The following BNC2 variants were observed in gnomAD, a reference collection of about 807,000 sequenced individuals.
The protein encoded by BNC2 is basonuclin zinc finger protein 2.
Under a neutral mutation model 76.3 loss-of-function variants are expected in BNC2, and 20 were observed. That is an observed-to-expected ratio of 0.26 (90% CI 0.18 to 0.38). The LOEUF (loss-of-function observed/expected upper bound fraction) is 0.38. Among genes scored for constraint, BNC2 ranks in the 10% least tolerant of loss-of-function variants. BNC2 has a pLI of 1.00. For synonymous variants in BNC2, 582 were observed against 514.8 expected (o/e 1.13, Z -1.77); for missense variants, 1,382 against 1,399.8 (o/e 0.99, Z 0.20).
intron 1 of BNC2, among the ~76,000 whole-genome samples, chr9:16,749,491 G>C (rs1035014909): frequency 2.0e-5 from 3 of 152,122 alleles, no homozygotes; most frequent in Admixed American, 6.5e-5. Flanking sequence ...CTTGAGCCCG[G>C]TTGTTTGAGA....
At chr9:16,525,059 G>T (rs1026407757) in intron 5 of BNC2, among the ~76,000 whole-genome samples, 2 of 140,078 alleles carry the variant, frequency 1.4e-5, no homozygotes, top group Admixed American at 7.3e-5. Flanking sequence ...GTGACAGACA[G>T]AGACCCGGAG....
chr9:16,757,030 C>T (rs1164165890), intron 1 of BNC2, among the ~76,000 whole-genome samples: 6 of 151,080 alleles, frequency 4.0e-5, no homozygotes, highest in Non-Finnish European at 4.4e-5. Flanking sequence ...AAGGTAACTA[C>T]CTATTCCTAA....
At chr9:16,833,246 A>T (rs1818624794) in intron 1 of BNC2, among the ~76,000 whole-genome samples, 2 of 152,200 alleles carry the variant, frequency 1.3e-5, no homozygotes, top group South Asian at 4.1e-4. Context: ...TTCTCTTAGA[A>T]GCACTCTGCC....
intron 1 of BNC2, chr9:16,867,328 G>A (rs1176049901): frequency 6.6e-6 from 1 of 151,746 alleles, no homozygotes; most frequent in Non-Finnish European, 1.5e-5. Context: ...CACAATACTA[G>A]TATAATGACT....
intron 3 of BNC2, among the ~76,000 whole-genome samples, chr9:16,709,893 T>C (rs1823784673): frequency 6.6e-6 from 1 of 152,076 alleles, no homozygotes; most frequent in South Asian, 2.1e-4. Context: ...TCTTCAAAGA[T>C]ATGAAGGGGA....
At chr9:16,580,860 A>G (rs1819612724) in intron 4 of BNC2, among the ~76,000 whole-genome samples, 1 of 152,204 alleles carries the variant, frequency 6.6e-6, no homozygotes, top group East Asian at 1.9e-4. Context: ...TTTCATAATA[A>G]GACTGTAAAG....
intron 5 of BNC2, among the ~76,000 whole-genome samples, chr9:16,516,327 T>C (rs1305209339): frequency 6.6e-6 from 1 of 152,074 alleles, no homozygotes. Context: ...GAGAAGCGTT[T>C]GCAAGTTAAA....
chr9:16,472,911 A>T (rs1821855208), intron 5 of BNC2, among the ~76,000 whole-genome samples: 1 of 152,230 alleles, frequency 6.6e-6, no homozygotes. Flanking sequence ...ACTGGTACAG[A>T]AGGAAGGTGG....
chr9:16,676,434 T>C (rs1349514801), intron 3 of BNC2, among the ~76,000 whole-genome samples: 1 of 152,260 alleles, frequency 6.6e-6, no homozygotes, highest in Non-Finnish European at 1.5e-5. Flanking sequence ...TCTATGAAGC[T>C]GCTATGGCTT....
At position 16,412,351 on chromosome 9, in the gene BNC2, GTAACCAGTT is replaced by G. The variant is rs1820479771; in HGVS notation, c.*6629_*6637del. On this transcript the variant is annotated 3_prime_UTR_variant, in exon 7 of 7. Coordinates refer to ENST00000380672, the MANE Select transcript of BNC2 (RefSeq NM_017637.6). ...TAAGAAAAAAAAATGACCACTGTGCGTAACCAGTTTACAACATGTGCACTTTTTGAAGGG... is the reference window on the plus strand; with the variant it reads ...TAAGAAAAAAAAATGACCACTGTGCGTACAACATGTGCACTTTTTGAAGGG... The G allele has an allele frequency of 6.6e-6, 1 of 152,528 alleles. No individual in the cohort carries two copies. Among genetic ancestry groups the G allele is most frequent in the Non-Finnish European group, 1.5e-5 (1 of 68,026 alleles). 9.4% of individuals were successfully genotyped at this position (152,528 alleles called of 1,614,324 possible).
chr9:16,673,430 TAAAAAA>T (rs370952322), intron 3 of BNC2, among the ~76,000 whole-genome samples: 3 of 146,252 alleles, frequency 2.1e-5, no homozygotes, highest in Admixed American at 6.9e-5. Flanking sequence ...TTCTGAGATT[TAAAAAA>T]AAAAAAAACA....
intron 3 of BNC2, among the ~76,000 whole-genome samples, chr9:16,668,605 T>G (rs761455022): frequency 6.6e-6 from 1 of 152,236 alleles, no homozygotes; most frequent in Non-Finnish European, 1.5e-5. Flanking sequence ...GAAACATTAT[T>G]GTAGCCATTA....
intron 4 of BNC2, among the ~76,000 whole-genome samples, chr9:16,580,407 C>G (rs1819601829): frequency 6.6e-6 from 1 of 152,090 alleles, no homozygotes; most frequent in Non-Finnish European, 1.5e-5. Context: ...TTGCTAAGGT[C>G]TGAGAAACAC....
At chr9:16,555,778 C>T (rs528298356) in intron 4 of BNC2, among the ~76,000 whole-genome samples, 175 of 151,906 alleles carry the variant, frequency 1.2e-3, no homozygotes, top group Non-Finnish European at 9.9e-4. Context: ...GCCTGGGCAA[C>T]AGAGTGAGAC....
intron 1 of BNC2, among the ~76,000 whole-genome samples, chr9:16,833,551 C>G (rs1818632794): frequency 6.6e-6 from 1 of 152,130 alleles, no homozygotes; most frequent in Non-Finnish European, 1.5e-5. Context: ...GGGCAAAGAG[C>G]AATTTTTTTT....
chr9:16,664,713 CA>C (rs1433642556), intron 3 of BNC2, among the ~76,000 whole-genome samples: 5 of 143,552 alleles, frequency 3.5e-5, no homozygotes, highest in African/African-American at 1.3e-4. Flanking sequence ...ACAAAAAAAA[CA>C]AAAAAAAACA....
intron 2 of BNC2, 136 bp downstream of exon 2, chr9:16,738,224 T>A: frequency 2.1e-6 from 2 of 971,214 alleles, no homozygotes; most frequent in Non-Finnish European, 3.2e-6. Flanking sequence ...TACCTGAGTT[T>A]CATAGAATGA....
At chr9:16,677,999 A>G (rs532605745) in intron 3 of BNC2, among the ~76,000 whole-genome samples, 2 of 152,274 alleles carry the variant, frequency 1.3e-5, no homozygotes, top group East Asian at 3.9e-4. Context: ...ATGGAATTGC[A>G]GTTCACTTTC....
At chr9:16,756,244 TTCTC>T (rs1428140740) in intron 1 of BNC2, among the ~76,000 whole-genome samples, 1 of 152,214 alleles carries the variant, frequency 6.6e-6, no homozygotes, top group Non-Finnish European at 1.5e-5. Flanking sequence ...ATAAATTATA[TTCTC>T]TCTCTCTTCG....
Sources: allele counts gnomAD v4.1 joint callset (sites outside exome capture counted in the v4.1 genomes callset), GRCh38; gene constraint gnomAD v4.1.1; transcripts MANE v1.5; gene names NCBI Gene and HGNC (gene_info 2026-07-23, HGNC 2026-07-21).